The following ATP10B variants were observed in gnomAD, a reference collection of about 807,000 sequenced individuals.
ATP10B encodes the protein ATPase phospholipid transporting 10B (putative).
Under a neutral mutation model 141.2 loss-of-function variants are expected in ATP10B, and 122 were observed. The ratio of observed to expected loss-of-function variants is 0.86; its 90% CI spans 0.75 to 1.00. The LOEUF is 1.00. Among genes scored for constraint, ATP10B ranks in the 50% least tolerant of loss-of-function variants. The pLI is 0.00. For missense variants in ATP10B, 1,876 were observed against 1,825.3 expected, an observed-to-expected ratio of 1.03 and a Z score of -0.51; for synonymous variants, 685 against 692.0, an observed-to-expected ratio of 0.99 and a Z score of 0.16.
chr5:160,912,538 G>A, the ATP10B span, among the ~76,000 whole-genome samples: 136 of 151,896 alleles, frequency 9.0e-4, no homozygotes, highest in African/African-American at 3.3e-3. Flanking sequence ...GGTGGAGGTT[G>A]CAGTGAGCTG....
the ATP10B span, among the ~76,000 whole-genome samples, chr5:160,890,820 T>G: frequency 6.6e-6 from 1 of 152,188 alleles, no homozygotes; most frequent in African/African-American, 2.4e-5. Context: ...GTACAAGTGA[T>G]CTTCCCAGCT....
the ATP10B span, among the ~76,000 whole-genome samples, chr5:160,878,124 T>C: frequency 4.0e-5 from 6 of 150,142 alleles, no homozygotes; most frequent in Admixed American, 6.6e-5. Flanking sequence ...ACTACCTGAC[T>C]TCAAACTATA....
intron 3 of ATP10B, among the ~76,000 whole-genome samples, chr5:160,697,078 T>C (rs1764408346): frequency 1.3e-5 from 2 of 152,230 alleles, no homozygotes; most frequent in African/African-American, 2.4e-5. Flanking sequence ...TTTTTCCACA[T>C]TTTAATAAAT....
chr5:160,705,236 G>A (rs1408882869), intron 3 of ATP10B, among the ~76,000 whole-genome samples: 1 of 152,024 alleles, frequency 6.6e-6, no homozygotes, highest in African/African-American at 2.4e-5. Context: ...TGTTTTCTAA[G>A]ACAGGGATTT....
At chr5:160,584,208 C>T (rs1755738282) in intron 24 of ATP10B, among the ~76,000 whole-genome samples, 1 of 152,194 alleles carries the variant, frequency 6.6e-6, no homozygotes, top group Non-Finnish European at 1.5e-5. Flanking sequence ...ATTGGGAAGA[C>T]TGTGGGAAAA....
intron 1 of ATP10B, 124 bp from the exon 2 acceptor site, chr5:160,785,927 A>G (rs1771114516): frequency 1.0e-5 from 2 of 190,676 alleles, no homozygotes; most frequent in Non-Finnish European, 1.1e-5. Context: ...CACTTTATAG[A>G]GCAAGTGGAA....
chr5:160,870,501 C>A, the ATP10B span, among the ~76,000 whole-genome samples: 1 of 151,198 alleles, frequency 6.6e-6, no homozygotes, highest in African/African-American at 2.4e-5. Flanking sequence ...GAAAACATAA[C>A]AAAAACCTCC....
At chr5:160,640,814 T>C (rs562926310) in intron 9 of ATP10B, among the ~76,000 whole-genome samples, 3 of 152,308 alleles carry the variant, frequency 2.0e-5, no homozygotes, top group African/African-American at 7.2e-5. Context: ...CCAGACACTG[T>C]GGTGGGCACT....
intron 1 of ATP10B, among the ~76,000 whole-genome samples, chr5:160,821,419 T>A (rs1454874642): frequency 6.6e-6 from 1 of 152,012 alleles, no homozygotes; most frequent in Non-Finnish European, 1.5e-5. Flanking sequence ...GAATCAATAC[T>A]GTTAAAATGC....
chr5:160,798,744 ATTTTTTTTTTT>A (rs35866347), intron 1 of ATP10B, among the ~76,000 whole-genome samples: 1 of 102,502 alleles, frequency 9.8e-6, no homozygotes, highest in Non-Finnish European at 1.9e-5. Flanking sequence ...CTTTTTCTCT[ATTTTTTTTTTT>A]TTTTTTTTTT....
chr5:160,595,808 C>G (rs1372874561), intron 22 of ATP10B, among the ~76,000 whole-genome samples: 5 of 151,182 alleles, frequency 3.3e-5, no homozygotes, highest in Middle Eastern at 3.4e-3. Flanking sequence ...TGGATAAATT[C>G]CTCGACACAT....
In ATP10B at chr5:160,634,395, C is replaced by T. The variant is rs376023056; in HGVS notation, c.1340G>A (p.Arg447His). 49 of 1,614,000 alleles carry T rather than the reference C, an allele frequency of 3.0e-5. No homozygotes were observed. Among genetic ancestry groups the T allele is most frequent in the African/African-American group, 2.7e-4 (20 of 74,910 alleles). The part of the protein sequence containing the change: ...TLTENKMVFR[R>H]CTIMGSEYSH... ...ATACTCGCTGCCCATGATGGTGCAA[C>T]GTCGGAACACCATCTTGTTCTCTGT... Residue 447 changes from arginine (R) to histidine (H), a missense_variant, in exon 12 of 26, where the codon CGT becomes CAT. Physicochemically the swap from Arg to His is conservative, Grantham distance 29 (BLOSUM62 0). Transcript: ENST00000327245.
chr5:160,878,568 C>G, the ATP10B span, among the ~76,000 whole-genome samples: 2 of 151,528 alleles, frequency 1.3e-5, no homozygotes, highest in African/African-American at 2.4e-5. Flanking sequence ...TTCTGCACAG[C>G]AAAAGAAACT....
intron 13 of ATP10B, 22 bp from the exon 14 acceptor site, chr5:160,622,607 G>A (rs1758410577): frequency 2.5e-6 from 4 of 1,596,680 alleles, no homozygotes; most frequent in East Asian, 2.2e-5. Context: ...AGGCCAGAAT[G>A]AGAGTCTTTT....
chr5:160,776,345 A>C (rs192755105), intron 2 of ATP10B, among the ~76,000 whole-genome samples: 2 of 152,346 alleles, frequency 1.3e-5, no homozygotes, highest in African/African-American at 4.8e-5. Flanking sequence ...GAGTTTGTAC[A>C]TTTATGAAAT....
intron 12 of ATP10B, chr5:160,632,641 T>C (rs1225973140): frequency 4.2e-6 from 1 of 239,062 alleles, no homozygotes; most frequent in African/African-American, 3.1e-5. Context: ...TTTTTTTTTT[T>C]TAGGTTTCTA....
At chr5:160,921,027 G>A in the ATP10B span, among the ~76,000 whole-genome samples, 1 of 152,040 alleles carries the variant, frequency 6.6e-6, no homozygotes, top group East Asian at 1.9e-4. Flanking sequence ...CAAATAGTAA[G>A]CAGTGAACAA....
chr5:160,609,108 A>G (rs1056902532), intron 18 of ATP10B, among the ~76,000 whole-genome samples: 1 of 152,048 alleles, frequency 6.6e-6, no homozygotes, highest in Non-Finnish European at 1.5e-5. Context: ...TAATATTATC[A>G]ATTTTAGTAG....
chr5:160,604,860 G>A lies in ATP10B; in HGVS notation c.3161-819C>T, dbSNP rs1186074438. ...TATGGAAATTTTGCTGGTGAAATTCGATTTAAATTTAAGTAGCCACAGATA... is the reference window on the plus strand; with the variant it reads ...TATGGAAATTTTGCTGGTGAAATTCAATTTAAATTTAAGTAGCCACAGATA... On this transcript the variant is annotated intron_variant, in intron 19 of 25. Coordinates refer to ENST00000327245, the MANE Select transcript of ATP10B (RefSeq NM_025153.3). 2.0e-5 allele frequency among the ~76,000 whole-genome samples: 3 copies of A among 152,108 alleles called. No homozygotes were observed. In the East Asian group the frequency reaches 5.8e-4, roughly 29 times the overall value.
Sources: gnomAD v4.1 joint callset for allele counts (sites outside exome capture counted in the v4.1 genomes callset) on GRCh38, gnomAD v4.1.1 for gene constraint, MANE v1.5 for transcripts, NCBI Gene and HGNC (gene_info 2026-07-23, HGNC 2026-07-21) for gene names.